STC2: variants seen among roughly 807,000 people sequenced by gnomAD.
The protein encoded by STC2 is stanniocalcin 2.
In STC2, 7 loss-of-function variants were observed where a neutral mutation model predicts 22.7. The observed-to-expected ratio is 0.31, with a 90% CI of 0.18 to 0.58. The LOEUF is 0.58. Ranked by LOEUF, STC2 falls within the 20% of genes least tolerant of loss-of-function variation. The pLI is 0.89. For synonymous variants in STC2, 158 were observed against 163.4 expected (o/e 0.97, Z 0.25); for missense variants, 336 against 406.2 (o/e 0.83, Z 1.48).
rs117825914 is a variant in STC2 at position 173,323,029 on chromosome 5, C to G, written c.506+190G>C. Reference sequence around the variant, plus strand: ...TGATTTTGAGACTGATGAGGGAATTCTCTCTTTTCCTAAAAGCCAGCAGGA... The same window carrying G: ...TGATTTTGAGACTGATGAGGGAATTGTCTCTTTTCCTAAAAGCCAGCAGGA... On this transcript the variant is annotated intron_variant, in intron 3 of 3. Coordinates refer to ENST00000265087, the MANE Select transcript of STC2 (RefSeq NM_003714.3). The surrounding 1 kb of genome is among the most constrained non-coding windows in gnomAD (Gnocchi z 5.4). The G allele has an allele frequency of 1.7e-6, 1 of 602,692 alleles. No homozygotes were observed. Among genetic ancestry groups the G allele is most frequent in the African/African-American group, 1.9e-5 (1 of 53,834 alleles). 37.3% of individuals were successfully genotyped at this position (602,692 alleles called of 1,614,324 possible).
At position 173,328,024 on chromosome 5, in the gene STC2, C is replaced by CG; in HGVS notation, c.151+18dup. ...GTCCTCTCCCAGTAGCTCCCGGCTG[C>CG]GGGGGCACATGCACTTACCTGTATT... is the stretch of plus-strand genomic sequence containing the variant. On this transcript the variant is annotated intron_variant, in intron 1 of 3. Coordinates refer to ENST00000265087, the MANE Select transcript of STC2 (RefSeq NM_003714.3). 1 of 1,465,146 alleles carries CG rather than the reference C, an allele frequency of 6.8e-7. No individual in the cohort carries two copies. Among genetic ancestry groups the CG allele is most frequent in the East Asian group, 2.6e-5 (1 of 38,080 alleles). The allele number at this position is 1,465,146 out of a possible 1,614,324, so 90.8% of individuals were successfully genotyped here.
At position 173,318,095 on chromosome 5, in the gene STC2, C is replaced by T; in HGVS notation, c.661G>A (p.Ala221Thr). Reference sequence around the variant, plus strand: ...ACCTGGGGCTGGCGCTCGGGGGGCGCCGTGGGAGGCTTCTGGATGGCCGAG... The same window carrying T: ...ACCTGGGGCTGGCGCTCGGGGGGCGTCGTGGGAGGCTTCTGGATGGCCGAG... ...CTSAIQKPPTAPPERQPQVDR... is the reference protein window; with the variant it reads ...CTSAIQKPPTTPPERQPQVDR... Residue 221 changes from alanine to threonine, a missense_variant, in exon 4 of 4, where the codon GCG becomes ACG. This residue lies in a region of STC2 where 215 missense variants were observed against 231.5 expected (regional missense o/e 0.93). Transcript: ENST00000265087. 1 of 1,607,760 alleles carries T rather than the reference C, an allele frequency of 6.2e-7. No individual in the cohort carries two copies. Among genetic ancestry groups the T allele is most frequent in the Non-Finnish European group, 8.5e-7 (1 of 1,177,946 alleles).
intron 1 of STC2, among the ~76,000 whole-genome samples, chr5:173,327,609 C>T (rs1307694060): frequency 6.6e-6 from 1 of 152,256 alleles, no homozygotes; most frequent in Non-Finnish European, 1.5e-5. Flanking sequence ...AGACGCGGCA[C>T]CCTTACTGAG....
At position 173,323,677 on chromosome 5, in the gene STC2, C is replaced by T. The variant is rs1223329865; in HGVS notation, c.295-247G>A. On this transcript the variant is annotated intron_variant, in intron 2 of 3. Transcript: ENST00000265087. The surrounding 1 kb of genome is among the most constrained non-coding windows in gnomAD (Gnocchi z 5.4). ...GTTCATTCTGTAGACGAACACATCTCCCTCCTTCCTCCCTGGCTACTCTGT... is the reference window on the plus strand; with the variant it reads ...GTTCATTCTGTAGACGAACACATCTTCCTCCTTCCTCCCTGGCTACTCTGT... Among the ~76,000 whole-genome samples the T allele has an allele frequency of 6.6e-6, 1 of 152,180 alleles. No homozygotes were observed. The highest frequency in any genetic ancestry group is 6.5e-5 in the Admixed American group (1 of 15,288).
At chr5:173,322,994 C>G in intron 3 of STC2, 1 of 579,228 alleles carries the variant, frequency 1.7e-6, no homozygotes, top group East Asian at 2.9e-5. Flanking sequence ...TTTCCCATTT[C>G]TGTTGCTTGT....
At chr5:173,326,956 C>T (rs1581140960) in intron 1 of STC2, among the ~76,000 whole-genome samples, 1 of 151,596 alleles carries the variant, frequency 6.6e-6, no homozygotes, top group African/African-American at 2.4e-5. Context: ...CAGATTAAAT[C>T]TAGCCAGAGA....
rs759825929 is a variant in STC2 at position 173,328,127 on chromosome 5, G to A, written c.67C>T (p.Arg23Trp). Residue 23 changes from arginine to tryptophan, a missense_variant, in exon 1 of 4, where the codon CGG (arginine) becomes TGG (tryptophan). Coordinates refer to ENST00000265087, the MANE Select transcript of STC2 (RefSeq NM_003714.3). ...GGTGGGTTGGTGGCGTCGGTCCCCC[G>A]CGCCGGGTCAAAGGTGGCCAACACC... ...ALVLATFDPA[R>W]GTDATNPPEG... is the part of the protein sequence containing the mutation. 1.9e-6 allele frequency: 3 copies of A among 1,601,254 alleles called. No homozygotes were observed. The highest frequency in any genetic ancestry group is 2.6e-6 in the Non-Finnish European group (3 of 1,174,018).
At chr5:173,327,248 C>T (rs1175020856) in intron 1 of STC2, among the ~76,000 whole-genome samples, 1 of 152,240 alleles carries the variant, frequency 6.6e-6, no homozygotes, top group Admixed American at 6.5e-5. Context: ...CACACGGCCC[C>T]CCAAAGTCGG....
At position 173,318,131 on chromosome 5, in the gene STC2, T is replaced by A; in HGVS notation, c.625A>T (p.Ser209Cys). 6.2e-7 allele frequency: 1 copy of A among 1,610,188 alleles called. No homozygotes were observed. Among genetic ancestry groups the A allele is most frequent in the Non-Finnish European group, 8.5e-7 (1 of 1,178,556 alleles). The change falls in exon 4 of 4, where the codon AGC becomes TGC. Residue 209 changes from serine to cysteine, a missense_variant. Physicochemically the swap from Ser to Cys is moderately radical, Grantham distance 112 (BLOSUM62 -1). This residue lies in a region of STC2 where 215 missense variants were observed against 231.5 expected (regional missense o/e 0.93). Transcript: ENST00000265087. The part of the protein sequence containing the change: ...QNWGSLCSIL[S>C]FCTSAIQKPP... ...TTCTGGATGGCCGAGGTGCAGAAGC[T>A]CAAGATGGAGCACAGGCTTCCCCAG... is the stretch of plus-strand genomic sequence containing the variant.
Position 173,323,177 on chromosome 5 carries a change from G to A in STC2, c.506+42C>T. The A allele has an allele frequency of 1.2e-6, 2 of 1,600,944 alleles. No individual in the cohort carries two copies. The highest frequency in any genetic ancestry group is 1.7e-6 in the Non-Finnish European group (2 of 1,168,498). ...TCCCATACACATTGCCATCCTTGCT[G>A]GGTGGCCCCTTCACCCAGGCCCTCT... On this transcript the variant is annotated intron_variant, in intron 3 of 3. Transcript: ENST00000265087. The surrounding 1 kb of genome is among the most constrained non-coding windows in gnomAD (Gnocchi z 5.4).
chr5:173,327,998 T>C, intron 1 of STC2, 45 bp downstream of exon 1: 1 of 1,408,496 alleles, frequency 7.1e-7, no homozygotes, highest in Non-Finnish European at 9.3e-7. Context: ...GGGTGCACGG[T>C]GTCCTCTCCC....
chr5:173,322,298 TA>T (rs11398034), intron 3 of STC2, among the ~76,000 whole-genome samples: 1 of 150,796 alleles, frequency 6.6e-6, no homozygotes. Context: ...TGTCAATATT[TA>T]AAAAAAAAAT....
chr5:173,322,867 C>A, intron 3 of STC2: 1 of 276,516 alleles, frequency 3.6e-6, no homozygotes, highest in South Asian at 5.3e-5. Context: ...TAGCAATTTG[C>A]TGTCTGTAAG....
intron 2 of STC2, among the ~76,000 whole-genome samples, chr5:173,324,932 C>T (rs1017587986): frequency 6.6e-6 from 1 of 152,238 alleles, no homozygotes; most frequent in African/African-American, 2.4e-5. Context: ...CGCACATCCT[C>T]TGCAGTTTAG....
intron 3 of STC2, among the ~76,000 whole-genome samples, chr5:173,321,498 TG>T (rs3836828): frequency 0.44 from 66,506 of 151,926 alleles, 16,183 homozygotes; most frequent in Admixed American, 0.58. Flanking sequence ...CCTTGTGTAA[TG>T]GGGATATATT....
At chr5:173,327,387 A>G (rs1203576851) in intron 1 of STC2, among the ~76,000 whole-genome samples, 1 of 152,268 alleles carries the variant, frequency 6.6e-6, no homozygotes, top group African/African-American at 2.4e-5. Context: ...AAGAGCCGGT[A>G]GAGCAGAGGA....
At position 173,328,218 on chromosome 5, in the gene STC2, G is replaced by T; in HGVS notation, c.-25C>A. Reference sequence around the variant, plus strand: ...TGGTTCTTGGTATTAACCTCCCGTCGGGAGACCTGGATCCTTTGTGCTCCC... The same window carrying T: ...TGGTTCTTGGTATTAACCTCCCGTCTGGAGACCTGGATCCTTTGTGCTCCC... On this transcript the variant is annotated 5_prime_UTR_variant, in exon 1 of 4. Transcript: ENST00000265087. 1 of 1,435,432 alleles carries T rather than the reference G, an allele frequency of 7.0e-7. No individual in the cohort carries two copies. The highest frequency in any genetic ancestry group is 9.2e-7 in the Non-Finnish European group (1 of 1,085,284). The allele number at this position is 1,435,432 out of a possible 1,614,324, so 88.9% of individuals were successfully genotyped here.
In STC2 at chr5:173,328,302, T is replaced by A; in HGVS notation, c.-109A>T. 8.0e-7 allele frequency: 1 copy of A among 1,246,168 alleles called. No homozygotes were observed. The highest frequency in any genetic ancestry group is 1.0e-6 in the Non-Finnish European group (1 of 952,634). The allele number at this position is 1,246,168 out of a possible 1,614,324, so 77.2% of individuals were successfully genotyped here. A position where few individuals can be genotyped will look rare whatever the true frequency, so the allele number is the denominator to read the frequency against. ...TTCCCCTCCTCCTCCCACTCTTCCT[T>A]TTTGCTCGCCTTTTCCCTCCTCCTC... is the stretch of plus-strand genomic sequence containing the variant. On this transcript the variant is annotated 5_prime_UTR_variant, in exon 1 of 4. Coordinates refer to ENST00000265087, the MANE Select transcript of STC2 (RefSeq NM_003714.3).
chr5:173,324,684 C>G (rs1227818274), intron 2 of STC2, among the ~76,000 whole-genome samples: 3 of 152,158 alleles, frequency 2.0e-5, no homozygotes, highest in African/African-American at 7.2e-5. Context: ...AGAACGTATT[C>G]CTGTTGGTTG....
Sources: gnomAD v4.1 joint callset for allele counts (sites outside exome capture counted in the v4.1 genomes callset) on GRCh38, gnomAD v4.1.1 for gene constraint, gnomAD v4.1.1 regional missense constraint, Gnocchi (gnomAD v3.1) non-coding constraint, MANE v1.5 for transcripts, NCBI Gene and HGNC (gene_info 2026-07-23, HGNC 2026-07-21) for gene names.